The following GRM4 variants were observed in gnomAD, a reference collection of about 807,000 sequenced individuals.
GRM4 encodes glutamate metabotropic receptor 4, also known as metabotropic glutamate receptor 4.
A neutral mutation model predicts 81.7 loss-of-function variants in GRM4; 28 were observed. The ratio of observed to expected loss-of-function variants is 0.34; its 90% CI spans 0.25 to 0.47. GRM4 has a LOEUF of 0.47. GRM4 is among the 20% of genes least tolerant of loss of function. The probability of loss-of-function intolerance (pLI) is 1.00; values close to 1 mark genes in which losing one functional copy is unlikely to be tolerated. For synonymous variants in GRM4, 488 were observed against 528.8 expected (o/e 0.92, Z 1.06); for missense variants, 948 against 1,290.0 (o/e 0.73, Z 4.06).
intron 2 of GRM4, among the ~76,000 whole-genome samples, chr6:34,119,954 G>A (rs944376232): frequency 3.9e-5 from 6 of 152,292 alleles, no homozygotes; most frequent in East Asian, 1.9e-4. Flanking sequence ...ACCCCAGCCC[G>A]TACGCAGGCC....
At chr6:34,135,555 C>G (rs894291524) in intron 1 of GRM4, among the ~76,000 whole-genome samples, 3 of 152,270 alleles carry the variant, frequency 2.0e-5, no homozygotes, top group African/African-American at 7.2e-5. Flanking sequence ...ACCACCCTCT[C>G]CCCTGGAGCC....
intron 2 of GRM4, among the ~76,000 whole-genome samples, chr6:34,105,722 C>G (rs138238644): frequency 2.0e-5 from 3 of 152,302 alleles, no homozygotes; most frequent in African/African-American, 7.2e-5. Flanking sequence ...AGCTGCTGCT[C>G]CCCTGGGCTA....
chr6:34,046,897 TTG>T (rs1765389472), intron 6 of GRM4, among the ~76,000 whole-genome samples: 1 of 152,136 alleles, frequency 6.6e-6, no homozygotes, highest in Non-Finnish European at 1.5e-5. Context: ...ACACCCGTTT[TTG>T]TCTCTTAAGC....
At chr6:34,044,031 TAC>T (rs150587975) in intron 6 of GRM4, among the ~76,000 whole-genome samples, 4 of 148,962 alleles carry the variant, frequency 2.7e-5, no homozygotes, top group East Asian at 2.0e-4. Context: ...ACCACACACA[TAC>T]ACACACACAC....
intron 3 of GRM4, among the ~76,000 whole-genome samples, chr6:34,073,129 CCA>C (rs534116779): frequency 0.18 from 8,069 of 44,456 alleles, 560 homozygotes; most frequent in African/African-American, 0.34. Flanking sequence ...CAGATACACA[CCA>C]CACACACACA....
rs142904759 is a variant in GRM4, at chr6:34,098,297, G to A, written c.520-6198C>T. On this transcript the variant is annotated intron_variant, in intron 2 of 10. Coordinates refer to ENST00000538487, the MANE Select transcript of GRM4 (RefSeq NM_000841.4). ...GCTTGGAGAGATGATAGTGTCCTCT[G>A]AGTATCTCACCAGGAGATGTCAGAA... Among the ~76,000 whole-genome samples the A allele has an allele frequency of 4.1e-3, 632 of 152,342 alleles. 7 individuals are homozygous for A. The highest frequency in any genetic ancestry group is 0.014 in the African/African-American group (574 of 41,576).
chr6:34,029,058 G>A (rs1764280502), intron 9 of GRM4, among the ~76,000 whole-genome samples: 1 of 152,206 alleles, frequency 6.6e-6, no homozygotes, highest in South Asian at 2.1e-4. Context: ...TTTTACAATA[G>A]TAGAGCCTTC....
rs1394418012 is a variant in GRM4, at chr6:34,059,047, A to G, written c.954T>C (p.Ile318=). The G allele has an allele frequency of 6.2e-7, 1 of 1,613,956 alleles. No homozygotes were observed. The highest frequency in any genetic ancestry group is 1.7e-5 in the Admixed American group (1 of 60,026). Reference sequence around the variant, plus strand: ...CCTCCTCCAGGTGCAGCACAGGTGCAATCTTGGAGCCCCAGCTGTCAGAGC... The same window carrying G: ...CCTCCTCCAGGTGCAGCACAGGTGCGATCTTGGAGCCCCAGCTGTCAGAGC... ...WMGSDSWGSK[I]APVLHLEEVA... The change falls in exon 5 of 11, where the codon ATT becomes ATC. Residue 318 remains isoleucine (I), a synonymous_variant. Coordinates refer to ENST00000538487, the MANE Select transcript of GRM4 (RefSeq NM_000841.4). This position sits in a 1 kb window ranked among gnomAD's most constrained non-coding sequence, Gnocchi z 5.7.
chr6:34,136,923 G>C lies in GRM4; in HGVS notation c.-363-3064C>G, dbSNP rs1177488133. Among the ~76,000 whole-genome samples the C allele has an allele frequency of 6.6e-6, 1 of 152,128 alleles. No homozygotes were observed. The highest frequency in any genetic ancestry group is 1.5e-5 in the Non-Finnish European group (1 of 68,006). On this transcript the variant is annotated intron_variant, in intron 1 of 10. Transcript: ENST00000538487. The surrounding 1 kb of genome is among the most constrained non-coding windows in gnomAD (Gnocchi z 4.1). ...AGTGAAAGGAGCCACTGAGAGCAGA[G>C]GCAGGGTGTGGTGGGGTGGGTTGGG...
chr6:34,044,765 CAT>C (rs914709413), intron 6 of GRM4, among the ~76,000 whole-genome samples: 6 of 131,850 alleles, frequency 4.6e-5, no homozygotes, highest in South Asian at 2.3e-4. Context: ...CATACACACA[CAT>C]AGACATACAC....
intron 2 of GRM4, among the ~76,000 whole-genome samples, chr6:34,124,680 T>C (rs971330576): frequency 2.0e-5 from 3 of 152,204 alleles, no homozygotes; most frequent in Admixed American, 1.3e-4. Context: ...GTGATTCCAA[T>C]GTGCAGCTGA....
chr6:34,025,052 G>A (rs996838073), intron 10 of GRM4, among the ~76,000 whole-genome samples: 8 of 152,188 alleles, frequency 5.3e-5, no homozygotes, highest in Non-Finnish European at 7.3e-5. Context: ...CTGAGGGCGG[G>A]AGCCGAGATT....
rs1286080869 is a variant in GRM4, at chr6:34,090,900, G to A, written c.736+983C>T. ...GGCCTTGGGAGAGACCAGGGGCAGGGCAGACGGGCCCTCTCTGCAGGAGGT... is the reference window on the plus strand; with the variant it reads ...GGCCTTGGGAGAGACCAGGGGCAGGACAGACGGGCCCTCTCTGCAGGAGGT... On this transcript the variant is annotated intron_variant, in intron 3 of 10. Coordinates refer to ENST00000538487, the MANE Select transcript of GRM4 (RefSeq NM_000841.4). The surrounding 1 kb of genome is among the most constrained non-coding windows in gnomAD (Gnocchi z 5.2). Among the ~76,000 whole-genome samples, 1 of 152,150 alleles carries A rather than the reference G, an allele frequency of 6.6e-6. No individual in the cohort carries two copies. Among genetic ancestry groups the A allele is most frequent in the Non-Finnish European group, 1.5e-5 (1 of 68,006 alleles).
chr6:34,058,967 G>A lies in GRM4; in HGVS notation c.1027+7C>T. On this transcript the variant is annotated splice_region_variant and intron_variant, in intron 5 of 10. Coordinates refer to ENST00000538487, the MANE Select transcript of GRM4 (RefSeq NM_000841.4). ...GGTGCCGACCACCTGCACCCGCCCA[G>A]CCTTACCTCGTACGGACATCCTCTT... 6.2e-7 allele frequency: 1 copy of A among 1,610,520 alleles called. No individual in the cohort carries two copies. Among genetic ancestry groups the A allele is most frequent in the Non-Finnish European group, 8.5e-7 (1 of 1,179,326 alleles).
intron 2 of GRM4, among the ~76,000 whole-genome samples, chr6:34,110,232 T>G (rs369524741): frequency 6.8e-6 from 1 of 146,976 alleles, no homozygotes. Context: ...AGGTCGAGGC[T>G]GCAGTGAGCC....
At chr6:34,128,030 G>T (rs1056695397) in intron 2 of GRM4, among the ~76,000 whole-genome samples, 5 of 152,156 alleles carry the variant, frequency 3.3e-5, no homozygotes, top group African/African-American at 1.2e-4. Flanking sequence ...CCAGGCTAGG[G>T]GTGGCACATA....
At chr6:34,107,379 T>A (rs730638) in intron 2 of GRM4, among the ~76,000 whole-genome samples, 1 of 151,938 alleles carries the variant, frequency 6.6e-6, no homozygotes, top group East Asian at 1.9e-4. Context: ...CCTGGCGCCA[T>A]GGCAAGCACC....
intron 2 of GRM4, among the ~76,000 whole-genome samples, chr6:34,096,629 A>C (rs754526448): frequency 6.6e-6 from 1 of 152,204 alleles, no homozygotes; most frequent in Non-Finnish European, 1.5e-5. Context: ...CAGAGACAGC[A>C]GAAAGTGTTT....
intron 2 of GRM4, chr6:34,103,874 G>T (rs1768980849): frequency 3.6e-6 from 5 of 1,402,998 alleles, no homozygotes; most frequent in Non-Finnish European, 4.6e-6. Flanking sequence ...GAGGGAGAAT[G>T]AGTGTTACAG....
Sources: allele counts gnomAD v4.1 joint callset (sites outside exome capture counted in the v4.1 genomes callset), GRCh38; gene constraint gnomAD v4.1.1; non-coding constraint Gnocchi (gnomAD v3.1); transcripts MANE v1.5; gene names NCBI Gene and HGNC (gene_info 2026-07-23, HGNC 2026-07-21).